The following CTNNA2 variants were observed in gnomAD, a reference collection of about 807,000 sequenced individuals.
The protein encoded by CTNNA2 is catenin alpha 2.
In CTNNA2, 42 loss-of-function variants were observed where a neutral mutation model predicts 101.0. That is an observed-to-expected ratio of 0.42 (90% confidence interval 0.32 to 0.54). The LOEUF (loss-of-function observed/expected upper bound fraction) is 0.54, where lower values mean the gene tolerates loss of function less well. Ranked by LOEUF, CTNNA2 falls within the 20% of genes least tolerant of loss-of-function variation. The pLI is 0.14. For synonymous variants in CTNNA2, 450 were observed against 456.4 expected (o/e 0.99, Z 0.18); for missense variants, 871 against 1,223.1 (o/e 0.71, Z 4.29).
intron 4 of CTNNA2, among the ~76,000 whole-genome samples, chr2:79,419,067 T>C (rs1678512510): frequency 6.4e-5 from 1 of 15,610 alleles, no homozygotes; most frequent in Non-Finnish European, 9.4e-5. Flanking sequence ...TACTGGTACT[T>C]ATGCAAAAAA....
chr2:80,021,046 G>A (rs1413971176), intron 7 of CTNNA2, among the ~76,000 whole-genome samples: 2 of 137,522 alleles, frequency 1.5e-5, no homozygotes, highest in Non-Finnish European at 3.0e-5. Flanking sequence ...CTGTCGCCCA[G>A]GCTGGAGTGC....
chr2:79,907,323 T>TTA (rs150788226), intron 6 of CTNNA2, among the ~76,000 whole-genome samples: 24,726 of 151,504 alleles, frequency 0.16, 2,400 homozygotes, highest in South Asian at 0.25. Context: ...ATTATATGGA[T>TTA]TATATATATA....
At chr2:80,338,987 T>G (rs1354606451) in intron 7 of CTNNA2, among the ~76,000 whole-genome samples, 3 of 152,366 alleles carry the variant, frequency 2.0e-5, no homozygotes, top group South Asian at 4.1e-4. Context: ...TTTAGTGTAT[T>G]TCTGATGAGT....
intron 7 of CTNNA2, among the ~76,000 whole-genome samples, chr2:80,211,742 C>A (rs1320833938): frequency 6.6e-6 from 1 of 151,934 alleles, no homozygotes; most frequent in Non-Finnish European, 1.5e-5. Context: ...AGTTTTTTTC[C>A]AATTCTGTGA....
At chr2:79,456,195 C>T (rs916428901) in intron 4 of CTNNA2, among the ~76,000 whole-genome samples, 8 of 150,608 alleles carry the variant, frequency 5.3e-5, no homozygotes, top group African/African-American at 7.3e-5. Context: ...TATAAAATTA[C>T]GTCTTTACAT....
chr2:80,215,375 A>AT (rs1708196554), intron 7 of CTNNA2, among the ~76,000 whole-genome samples: 1 of 151,956 alleles, frequency 6.6e-6, no homozygotes, highest in African/African-American at 2.4e-5. Flanking sequence ...TTTCTGCTCT[A>AT]TCCCTATCTT....
intron 14 of CTNNA2, among the ~76,000 whole-genome samples, chr2:80,588,750 G>A (rs77935448): frequency 0.089 from 13,518 of 152,102 alleles, 1,249 homozygotes; most frequent in African/African-American, 0.24. Context: ...TAGGCACACC[G>A]TCCCTGGAGT....
chr2:80,556,151 A>G (rs538175130), intron 12 of CTNNA2, among the ~76,000 whole-genome samples: 247 of 152,346 alleles, frequency 1.6e-3, no homozygotes, highest in African/African-American at 5.6e-3. Flanking sequence ...CTCACAAACA[A>G]TAAAATTTTT....
At chr2:79,513,730 A>C (rs1211039799) in intron 1 of CTNNA2, among the ~76,000 whole-genome samples, 1 of 122,370 alleles carries the variant, frequency 8.2e-6, no homozygotes, top group Non-Finnish European at 1.6e-5. Context: ...TTTGTGCTAT[A>C]TTAGGGTGGG....
At chr2:79,981,152 A>G (rs960220844) in intron 7 of CTNNA2, among the ~76,000 whole-genome samples, 1 of 152,178 alleles carries the variant, frequency 6.6e-6, no homozygotes, top group African/African-American at 2.4e-5. Flanking sequence ...CTTATTTTGC[A>G]GGGTAAAGCA....
intron 4 of CTNNA2, among the ~76,000 whole-genome samples, chr2:79,377,169 A>T (rs1677987752): frequency 6.6e-6 from 1 of 152,116 alleles, no homozygotes; most frequent in Non-Finnish European, 1.5e-5. Flanking sequence ...CTTTTTAATG[A>T]TTGCCATTCT....
At chr2:79,746,539 G>A (rs1301649895) in intron 3 of CTNNA2, among the ~76,000 whole-genome samples, 1 of 152,136 alleles carries the variant, frequency 6.6e-6, no homozygotes, top group Non-Finnish European at 1.5e-5. Flanking sequence ...TGAGTTGCAC[G>A]TTGCATAAAT....
intron 2 of CTNNA2, among the ~76,000 whole-genome samples, chr2:79,276,032 G>T (rs1300623367): frequency 6.6e-6 from 1 of 152,078 alleles, no homozygotes; most frequent in Non-Finnish European, 1.5e-5. Flanking sequence ...TAAAGGAGGT[G>T]AGGGAATGAG....
At position 79,823,472 on chromosome 2, in the gene CTNNA2, C is replaced by T. The variant is rs1469978521; in HGVS notation, c.299-34541C>T. 6.2e-4 allele frequency among the ~76,000 whole-genome samples: 94 copies of T among 151,880 alleles called. 1 individual carries two copies. Among genetic ancestry groups the T allele is most frequent in the Admixed American group, 6.6e-5 (1 of 15,244 alleles). On this transcript the variant is annotated intron_variant, in intron 3 of 18. Transcript: ENST00000402739. ...GGCGGAGGTTGCAGTGAGCTGAGAT[C>T]GCATCACTGCACTGCAGCCTGGGTC...
At chr2:79,503,244 T>A (rs1671342105) in intron 4 of CTNNA2, among the ~76,000 whole-genome samples, 2 of 152,192 alleles carry the variant, frequency 1.3e-5, no homozygotes, top group African/African-American at 4.8e-5. Context: ...GGAAAATGGT[T>A]GTTAATTTCT....
intron 8 of CTNNA2, among the ~76,000 whole-genome samples, chr2:80,409,762 G>A (rs1275365243): frequency 6.6e-6 from 1 of 152,040 alleles, no homozygotes; most frequent in Non-Finnish European, 1.5e-5. Context: ...TCATATTTTG[G>A]TACGTTTACT....
In CTNNA2 at chr2:79,928,603, A is replaced by G. The variant is rs1350532128; in HGVS notation, c.1056+18806A>G. ...TGATACATTATTATCCAAGAAATAA[A>G]CTATTACCTACCACTGGAAAACCAA... On this transcript the variant is annotated intron_variant, in intron 7 of 18. Transcript: ENST00000402739. Among the ~76,000 whole-genome samples, 3 of 152,346 alleles carry G rather than the reference A, an allele frequency of 2.0e-5. No homozygotes were observed. In the East Asian group the frequency reaches 5.8e-4, roughly 29 times the overall value.
chr2:79,504,318 C>A (rs1354431813), intron 4 of CTNNA2, among the ~76,000 whole-genome samples: 1 of 151,822 alleles, frequency 6.6e-6, no homozygotes, highest in Non-Finnish European at 1.5e-5. Context: ...TTGACGGAAT[C>A]TTGCTCTGTC....
intron 7 of CTNNA2, among the ~76,000 whole-genome samples, chr2:79,977,095 A>C (rs926286827): frequency 7.9e-5 from 12 of 152,212 alleles, no homozygotes; most frequent in Non-Finnish European, 4.4e-5. Flanking sequence ...AGTGTTTCAC[A>C]GAAATGTATT....
Sources: allele counts gnomAD v4.1 joint callset (sites outside exome capture counted in the v4.1 genomes callset), GRCh38; gene constraint gnomAD v4.1.1; transcripts MANE v1.5; gene names NCBI Gene and HGNC (gene_info 2026-07-23, HGNC 2026-07-21).